DPP6: variants seen among roughly 807,000 people sequenced by gnomAD.
The protein encoded by DPP6 is A-type potassium channel modulatory protein DPP6.
In DPP6, 69 loss-of-function variants were observed where a neutral mutation model predicts 122.6. The observed-to-expected ratio is 0.56, with a 90% CI of 0.46 to 0.69. The LOEUF (loss-of-function observed/expected upper bound fraction) is 0.69. DPP6 is among the 30% of genes least tolerant of loss of function. The pLI is 0.00. For missense variants in DPP6, 928 were observed against 1,116.9 expected (o/e 0.83, Z 2.41); for synonymous variants, 418 against 433.1 (o/e 0.97, Z 0.43).
chr7:154,332,857 A>G (rs2151041705), intron 1 of DPP6, among the ~76,000 whole-genome samples: 1 of 152,324 alleles, frequency 6.6e-6, no homozygotes, highest in Non-Finnish European at 1.5e-5. Context: ...GTGCCCGCCC[A>G]GTATCCCTGC....
At chr7:154,741,691 C>T (rs1396266966) in intron 8 of DPP6, among the ~76,000 whole-genome samples, 1 of 152,180 alleles carries the variant, frequency 6.6e-6, no homozygotes. Context: ...AGGTGCTATC[C>T]AACCCTAAGG....
the DPP6 span, among the ~76,000 whole-genome samples, chr7:153,775,846 C>A: frequency 3.9e-5 from 6 of 152,074 alleles, no homozygotes; most frequent in Non-Finnish European, 7.3e-5. Flanking sequence ...AAATGAAACA[C>A]TTTGGACTAA....
chr7:154,831,041 C>G (rs558140808), intron 16 of DPP6, among the ~76,000 whole-genome samples: 1 of 152,284 alleles, frequency 6.6e-6, no homozygotes, highest in South Asian at 2.1e-4. Context: ...CCCAGGTGAC[C>G]GTGTCATCCC....
chr7:154,867,261 A>C lies in DPP6; in HGVS notation c.1715-734A>C, dbSNP rs1329750766. On this transcript the variant is annotated intron_variant, in intron 17 of 25. Coordinates refer to ENST00000377770, the MANE Select transcript of DPP6 (RefSeq NM_130797.4). ...TGAAATGAAACAGAATGGCCATTTCAGTACATGAACGGAGAGTTCCTCAGG... is the reference window on the plus strand; with the variant it reads ...TGAAATGAAACAGAATGGCCATTTCCGTACATGAACGGAGAGTTCCTCAGG... Among the ~76,000 whole-genome samples, 4 of 152,226 alleles carry C rather than the reference A, an allele frequency of 2.6e-5. No individual in the cohort carries two copies. The East Asian group carries it at 7.7e-4, about 29-fold the overall frequency.
At position 154,669,284 on chromosome 7, in the gene DPP6, G is replaced by C; in HGVS notation, c.681-76G>C. 8.4e-6 allele frequency: 13 copies of C among 1,549,856 alleles called. No homozygotes were observed. In the Middle Eastern group the frequency reaches 1.0e-3, roughly 120 times the overall value. ...GAGAAAGGAGTTAAGTTATAGGTAGGGGATAAAATTGCAGCAGCTTAAATT... is the reference window on the plus strand; with the variant it reads ...GAGAAAGGAGTTAAGTTATAGGTAGCGGATAAAATTGCAGCAGCTTAAATT... On this transcript the variant is annotated intron_variant, in intron 6 of 25. Coordinates refer to ENST00000377770, the MANE Select transcript of DPP6 (RefSeq NM_130797.4).
chr7:154,282,406 G>A lies in DPP6; in HGVS notation c.244-163808G>A, dbSNP rs1226987610. Among the ~76,000 whole-genome samples, 2 of 152,136 alleles carry A rather than the reference G, an allele frequency of 1.3e-5. No individual in the cohort carries two copies. Among genetic ancestry groups the A allele is most frequent in the African/African-American group, 2.4e-5 (1 of 41,424 alleles). On this transcript the variant is annotated intron_variant, in intron 1 of 25. Coordinates refer to ENST00000377770, the MANE Select transcript of DPP6 (RefSeq NM_130797.4). This position sits in a 1 kb window ranked among gnomAD's most constrained non-coding sequence, Gnocchi z 4.8. ...AACTGAGCAGAGGCAGCCGTACCTG[G>A]GGTGCTGATTAGCACTGTGCAATGT...
At chr7:153,905,960 C>T (rs763369624) in intron 1 of DPP6, among the ~76,000 whole-genome samples, 1 of 152,124 alleles carries the variant, frequency 6.6e-6, no homozygotes, top group Non-Finnish European at 1.5e-5. Context: ...GGTGGAAGGA[C>T]TTCGAATACA....
At chr7:154,373,406 C>T (rs1038579085) in intron 1 of DPP6, among the ~76,000 whole-genome samples, 25 of 152,256 alleles carry the variant, frequency 1.6e-4, no homozygotes, top group African/African-American at 5.3e-4. Context: ...CTTCGTGAGG[C>T]GGTTGTGAGG....
At chr7:154,267,449 A>C (rs1803495740) in intron 1 of DPP6, among the ~76,000 whole-genome samples, 3 of 147,676 alleles carry the variant, frequency 2.0e-5, no homozygotes. Flanking sequence ...TACATATATA[A>C]TGTGTGTATA....
intron 16 of DPP6, among the ~76,000 whole-genome samples, chr7:154,837,098 C>A (rs975341094): frequency 6.6e-6 from 1 of 152,244 alleles, no homozygotes; most frequent in South Asian, 2.1e-4. Context: ...CTTATTCACA[C>A]ACCTGCATGC....
chr7:154,451,844 C>T (rs1820406776), intron 2 of DPP6, among the ~76,000 whole-genome samples: 1 of 152,218 alleles, frequency 6.6e-6, no homozygotes, highest in African/African-American at 2.4e-5. Flanking sequence ...CTGTTTGTTT[C>T]TCTGGGCTGT....
intron 16 of DPP6, among the ~76,000 whole-genome samples, chr7:154,815,014 G>A (rs1157971532): frequency 6.6e-6 from 1 of 152,144 alleles, no homozygotes. Flanking sequence ...GGACTTCAGT[G>A]TAACTTTTGG....
At chr7:154,458,542 G>A (rs1182952194) in intron 2 of DPP6, among the ~76,000 whole-genome samples, 1 of 152,150 alleles carries the variant, frequency 6.6e-6, no homozygotes, top group Non-Finnish European at 1.5e-5. Context: ...CTTGTATTTG[G>A]GCCCAGTGAA....
At chr7:154,361,222 T>C (rs962248159) in intron 1 of DPP6, among the ~76,000 whole-genome samples, 1 of 152,166 alleles carries the variant, frequency 6.6e-6, no homozygotes, top group Non-Finnish European at 1.5e-5. Context: ...GGAATGCAAG[T>C]TGTCACTGCA....
At chr7:154,072,879 T>C (rs936996520) in intron 1 of DPP6, among the ~76,000 whole-genome samples, 3 of 152,264 alleles carry the variant, frequency 2.0e-5, no homozygotes, top group African/African-American at 7.2e-5. Context: ...TGCAGAGTGG[T>C]AAGTGATGGC....
At chr7:154,729,977 G>C (rs536224275) in intron 8 of DPP6, among the ~76,000 whole-genome samples, 1 of 152,196 alleles carries the variant, frequency 6.6e-6, no homozygotes, top group Non-Finnish European at 1.5e-5. Flanking sequence ...CCACCAAAGA[G>C]GTACAGGCAG....
At chr7:153,835,366 A>T in the DPP6 span, among the ~76,000 whole-genome samples, 1 of 152,116 alleles carries the variant, frequency 6.6e-6, no homozygotes, top group Non-Finnish European at 1.5e-5. Context: ...GGAATTCAGA[A>T]TTATACCACT....
chr7:153,906,571 C>A (rs1799860828), intron 1 of DPP6, among the ~76,000 whole-genome samples: 1 of 152,174 alleles, frequency 6.6e-6, no homozygotes, highest in Admixed American at 6.5e-5. Context: ...CCACCTCAGC[C>A]TCCTGAGTAG....
At chr7:154,725,755 C>A (rs909553343) in intron 7 of DPP6, among the ~76,000 whole-genome samples, 3 of 152,212 alleles carry the variant, frequency 2.0e-5, no homozygotes, top group Admixed American at 2.0e-4. Flanking sequence ...CTCATTCCAG[C>A]ATTAACCCAA....
Sources: gnomAD v4.1 joint callset for allele counts (sites outside exome capture counted in the v4.1 genomes callset) on GRCh38, gnomAD v4.1.1 for gene constraint, Gnocchi (gnomAD v3.1) non-coding constraint, MANE v1.5 for transcripts, NCBI Gene and HGNC (gene_info 2026-07-23, HGNC 2026-07-21) for gene names.